Variants in BAAT observed in about 807,000 individuals in gnomAD.
The protein encoded by BAAT is bile acid-CoA:amino acid N-acyltransferase.
A neutral mutation model predicts 18.9 loss-of-function variants in BAAT; 13 were observed. The ratio of observed to expected loss-of-function variants is 0.69; its 90% CI spans 0.45 to 1.10. The LOEUF (loss-of-function observed/expected upper bound fraction) is 1.10. Among genes scored for constraint, BAAT ranks in the 50% least tolerant of loss-of-function variants. The pLI, the probability that BAAT is intolerant of heterozygous loss-of-function variation, is 0.00. For synonymous variants in BAAT, 170 were observed against 190.7 expected (o/e 0.89, Z 0.89); for missense variants, 489 against 504.0 (o/e 0.97, Z 0.28).
rs1588136885 is a variant in BAAT, at chr9:101,360,537, T to A, written c.*1891A>T. On this transcript the variant is annotated 3_prime_UTR_variant, in exon 4 of 4. Transcript: ENST00000259407. ...GGAAGTTTACAATCATGGCAGCAGG[T>A]GAACAGCGAGGAGGCATCTCACATG... is the stretch of plus-strand genomic sequence containing the variant. The A allele has an allele frequency of 6.6e-6, 1 of 152,200 alleles. No homozygotes were observed. Among genetic ancestry groups the A allele is most frequent in the East Asian group, 1.9e-4 (1 of 5,194 alleles). The allele number at this position is 152,200 out of a possible 1,614,324, so 9.4% of individuals were successfully genotyped here. A position where few individuals can be genotyped will look rare whatever the true frequency, so the allele number is the denominator to read the frequency against.
Position 101,362,896 on chromosome 9 carries a change from A to C in BAAT, c.789T>G (p.Pro263=), listed in dbSNP as rs944279237. The change falls in exon 4 of 4, where the codon CCT becomes CCG. Residue 263 remains proline (P), a synonymous_variant. Transcript: ENST00000259407. ...CATGATATACCTGTGGAATGCCAAA[A>C]GGAAAGTTGGTCCCATTAATAAGTA... ...ATVLINGTNF[P]FGIPQVYHGQ... 2.5e-6 allele frequency: 4 copies of C among 1,614,110 alleles called. No individual in the cohort carries two copies. The highest frequency in any genetic ancestry group is 3.4e-6 in the Non-Finnish European group (4 of 1,179,958).
At chr9:101,365,353 A>G (rs2119017473) in intron 3 of BAAT, among the ~76,000 whole-genome samples, 1 of 152,108 alleles carries the variant, frequency 6.6e-6, no homozygotes, top group South Asian at 2.1e-4. Context: ...TGCCAAGCTG[A>G]TGAAAATGTG....
chr9:101,380,870 A>G (rs1024894572), intron 1 of BAAT, among the ~76,000 whole-genome samples: 3 of 152,030 alleles, frequency 2.0e-5, no homozygotes, highest in Non-Finnish European at 4.4e-5. Flanking sequence ...CTCCTGCCTC[A>G]GCCTCCCGAG....
At position 101,371,370 on chromosome 9, in the gene BAAT, A is replaced by C; in HGVS notation, c.35T>G (p.Leu12Arg). 6.2e-7 allele frequency: 1 copy of C among 1,613,008 alleles called. No homozygotes were observed. The highest frequency in any genetic ancestry group is 8.5e-7 in the Non-Finnish European group (1 of 1,180,000). ...IQLTATPVSALVDEPVHIRAT... is the reference protein window; with the variant it reads ...IQLTATPVSARVDEPVHIRAT... ...TCGGATATGCACTGGCTCATCAACA[A>C]GTGCACTCACAGGGGTAGCTGTCAA... The change falls in exon 2 of 4, where the codon CTT becomes CGT. Residue 12 changes from leucine (L) to arginine (R), a missense_variant. Transcript: ENST00000259407.
At chr9:101,380,458 C>T (rs567817680) in intron 1 of BAAT, among the ~76,000 whole-genome samples, 2 of 152,216 alleles carry the variant, frequency 1.3e-5, no homozygotes, top group South Asian at 4.2e-4. Flanking sequence ...GTCTCAGCTC[C>T]CTTGGCCTTT....
chr9:101,362,865 T>A lies in BAAT; in HGVS notation c.820A>T (p.Ile274Phe). ...GCAGAATGGGGAAGGGGCTGATGGA[T>A]CTGACCATGATATACCTGTGGAATG... Reference protein sequence around the residue: ...FGIPQVYHGQIHQPLPHSAQL... With the variant: ...FGIPQVYHGQFHQPLPHSAQL... The change falls in exon 4 of 4, where the codon ATC becomes TTC. Residue 274 changes from isoleucine (I) to phenylalanine (F), a missense_variant. By Grantham distance (21) the Ile-to-Phe change is conservative (BLOSUM62 0). Transcript: ENST00000259407. 6.2e-7 allele frequency: 1 copy of A among 1,614,130 alleles called. No individual in the cohort carries two copies. Among genetic ancestry groups the A allele is most frequent in the Non-Finnish European group, 8.5e-7 (1 of 1,180,022 alleles).
At chr9:101,366,926 A>G (rs901435136) in intron 3 of BAAT, among the ~76,000 whole-genome samples, 2 of 151,902 alleles carry the variant, frequency 1.3e-5, no homozygotes, top group African/African-American at 4.8e-5. Context: ...AGCTTTCCCA[A>G]TATGGCAAAA....
intron 2 of BAAT, 142 bp from the exon 3 acceptor site, chr9:101,368,464 A>G: frequency 2.5e-6 from 2 of 784,582 alleles, no homozygotes; most frequent in Non-Finnish European, 4.0e-6. Flanking sequence ...ACATGAGAAC[A>G]CAAAGCAGAA....
In BAAT at chr9:101,362,923, C is replaced by A; in HGVS notation, c.762G>T (p.Thr254=). 1.2e-6 allele frequency: 2 copies of A among 1,613,954 alleles called. No homozygotes were observed. The highest frequency in any genetic ancestry group is 1.7e-6 in the Non-Finnish European group (2 of 1,179,910). ...GAAAGTTGGTCCCATTAATAAGTAC[C>A]GTGGCTGTGACTTGCTTTAGGTAAA... ...MAIYLKQVTA[T]VLINGTNFPF... Residue 254 remains threonine (T), a synonymous_variant, in exon 4 of 4, where the codon ACG becomes ACT. Transcript: ENST00000259407.
At chr9:101,379,290 C>G (rs1033336177) in intron 1 of BAAT, among the ~76,000 whole-genome samples, 1 of 152,212 alleles carries the variant, frequency 6.6e-6, no homozygotes, top group Admixed American at 6.5e-5. Flanking sequence ...CGTGAGCCAC[C>G]GCATCCGGCG....
At chr9:101,366,667 T>C (rs1829833404) in intron 3 of BAAT, among the ~76,000 whole-genome samples, 2 of 152,158 alleles carry the variant, frequency 1.3e-5, no homozygotes, top group East Asian at 3.8e-4. Flanking sequence ...AGGCTCACAA[T>C]GATAATATTG....
chr9:101,376,129 T>C, intron 1 of BAAT: 1 of 161,718 alleles, frequency 6.2e-6, no homozygotes. Flanking sequence ...TGGAATGTTT[T>C]TTTTTTCTGT....
rs1213686027 is a variant in BAAT at position 101,362,191 on chromosome 9, G to A, written c.*237C>T. ...TTTAGAAGACCTGATGGAAAGAAAA[G>A]TCATGTAAATAATAAGTAAAATGAT... On this transcript the variant is annotated 3_prime_UTR_variant, in exon 4 of 4. Coordinates refer to ENST00000259407, the MANE Select transcript of BAAT (RefSeq NM_001701.4). 1.8e-5 allele frequency: 11 copies of A among 602,178 alleles called. No individual in the cohort carries two copies. The highest frequency in any genetic ancestry group is 3.2e-5 in the Non-Finnish European group (11 of 343,744). 37.3% of individuals were successfully genotyped at this position (602,178 alleles called of 1,614,324 possible). A position where few individuals can be genotyped will look rare whatever the true frequency, so the allele number is the denominator to read the frequency against.
chr9:101,382,955 C>A (rs1830155166), intron 1 of BAAT, among the ~76,000 whole-genome samples: 1 of 152,074 alleles, frequency 6.6e-6, no homozygotes, highest in Non-Finnish European at 1.5e-5. Context: ...AACATATATT[C>A]AAAGCTTCAA....
chr9:101,366,042 T>C (rs1002117929), intron 3 of BAAT, among the ~76,000 whole-genome samples: 1 of 152,114 alleles, frequency 6.6e-6, no homozygotes, highest in Non-Finnish European at 1.5e-5. Flanking sequence ...TTATTAACTA[T>C]AGTCACCATG....
chr9:101,381,083 G>C (rs1373731447), intron 1 of BAAT, among the ~76,000 whole-genome samples: 1 of 151,832 alleles, frequency 6.6e-6, no homozygotes, highest in Non-Finnish European at 1.5e-5. Context: ...ATGTGTATTT[G>C]TGTATACATT....
At chr9:101,373,401 G>A (rs977759698) in intron 1 of BAAT, among the ~76,000 whole-genome samples, 2 of 152,112 alleles carry the variant, frequency 1.3e-5, no homozygotes, top group Admixed American at 1.3e-4. Flanking sequence ...CTTATCACTA[G>A]AAGTACTGGC....
chr9:101,375,433 AT>A (rs941278289), intron 1 of BAAT: 1 of 196,054 alleles, frequency 5.1e-6, no homozygotes, highest in Non-Finnish European at 1.1e-5. Context: ...ATTCAAAGTC[AT>A]CTCTGTCTGT....
chr9:101,372,129 G>A (rs1039208158), intron 1 of BAAT, among the ~76,000 whole-genome samples: 7 of 152,106 alleles, frequency 4.6e-5, no homozygotes, highest in Non-Finnish European at 8.8e-5. Context: ...ATTGGGAACA[G>A]AAGACACTGG....
Sources: gnomAD v4.1 joint callset for allele counts (sites outside exome capture counted in the v4.1 genomes callset) on GRCh38, gnomAD v4.1.1 for gene constraint, MANE v1.5 for transcripts, NCBI Gene and HGNC (gene_info 2026-07-23, HGNC 2026-07-21) for gene names.